Variants in ZNF423 observed in about 807,000 individuals in gnomAD.
ZNF423 encodes the protein Ebf-associated zinc finger protein.
Under a neutral mutation model 95.8 loss-of-function variants are expected in ZNF423, and 12 were observed. The ratio of observed to expected loss-of-function variants is 0.13; its 90% CI spans 0.08 to 0.20. The LOEUF is 0.20. Ranked by LOEUF, ZNF423 falls within the 10% of genes least tolerant of loss-of-function variation. The probability of loss-of-function intolerance (pLI) is 1.00; values close to 1 mark genes in which losing one functional copy is unlikely to be tolerated. For synonymous variants in ZNF423, 749 were observed against 711.9 expected (o/e 1.05, Z -0.83); for missense variants, 1,316 against 1,737.1 (o/e 0.76, Z 4.31).
At chr16:49,552,572 G>A (rs534465519) in intron 5 of ZNF423, among the ~76,000 whole-genome samples, 9 of 152,224 alleles carry the variant, frequency 5.9e-5, no homozygotes, top group African/African-American at 1.2e-4. Flanking sequence ...GGGAAATCTC[G>A]GGAGTCCTAG....
intron 7 of ZNF423, among the ~76,000 whole-genome samples, chr16:49,515,714 G>A (rs1344707868): frequency 6.6e-6 from 1 of 152,214 alleles, no homozygotes; most frequent in Non-Finnish European, 1.5e-5. Context: ...TCTAACTCCA[G>A]CCCTGTATGG....
In ZNF423 at chr16:49,637,984, G is replaced by A. The variant is rs769556629; in HGVS notation, c.1192C>T (p.Pro398Ser). The change falls in exon 4 of 8, where the codon CCG becomes TCG. Residue 398 changes from proline to serine, a missense_variant. Transcript: ENST00000563137. The surrounding 1 kb of genome is among the most constrained non-coding windows in gnomAD (Gnocchi z 5.6). ...RGSTPDSTLK[P>S]LRGQKKMRDD... ...CGCATCTTCTTCTGCCCCCGCAGCG[G>A]CTTCAAGGTGGAGTCCGGGGTGGAG... 2.4e-5 allele frequency: 38 copies of A among 1,613,996 alleles called. No individual in the cohort carries two copies. The highest frequency in any genetic ancestry group is 1.2e-4 in the Admixed American group (7 of 60,014).
At chr16:49,716,134 A>G (rs936145194) in intron 3 of ZNF423, among the ~76,000 whole-genome samples, 1 of 152,016 alleles carries the variant, frequency 6.6e-6, no homozygotes, top group Non-Finnish European at 1.5e-5. Context: ...AGTTGAGGAG[A>G]AAAGGCTGGG....
intron 3 of ZNF423, among the ~76,000 whole-genome samples, chr16:49,715,994 G>T (rs2032695041): frequency 6.6e-6 from 1 of 152,176 alleles, no homozygotes; most frequent in East Asian, 1.9e-4. Flanking sequence ...GCTGCAGTGA[G>T]CTGTGATAAT....
At chr16:49,695,175 G>A (rs776971135) in intron 3 of ZNF423, among the ~76,000 whole-genome samples, 9 of 152,178 alleles carry the variant, frequency 5.9e-5, no homozygotes, top group East Asian at 1.9e-4. Context: ...GTGCGGTGGC[G>A]CGATCTGGGC....
chr16:49,579,973 T>G (rs902774993), intron 5 of ZNF423, among the ~76,000 whole-genome samples: 11 of 152,132 alleles, frequency 7.2e-5, no homozygotes, highest in Non-Finnish European at 1.3e-4. Context: ...GCCACCACCA[T>G]GGACTGTCAT....
chr16:49,592,434 A>G (rs928315694), intron 5 of ZNF423, among the ~76,000 whole-genome samples: 2 of 138,098 alleles, frequency 1.4e-5, no homozygotes, highest in Non-Finnish European at 3.1e-5. Flanking sequence ...ATCATCATCT[A>G]CTCAACAAAT....
At chr16:49,830,171 T>C (rs993629520) in intron 1 of ZNF423, among the ~76,000 whole-genome samples, 2 of 152,002 alleles carry the variant, frequency 1.3e-5, no homozygotes, top group Non-Finnish European at 2.9e-5. Flanking sequence ...AGAGGTGACA[T>C]TGAACCTGAG....
At chr16:49,585,571 C>T (rs1035196794) in intron 5 of ZNF423, among the ~76,000 whole-genome samples, 1 of 152,240 alleles carries the variant, frequency 6.6e-6, no homozygotes, top group African/African-American at 2.4e-5. Flanking sequence ...CAATCTGAAT[C>T]GGCAAATTTG....
chr16:49,506,648 T>G (rs1035431398), intron 7 of ZNF423, among the ~76,000 whole-genome samples: 2 of 150,516 alleles, frequency 1.3e-5, no homozygotes, highest in Non-Finnish European at 3.0e-5. Context: ...GTGTAGGTGA[T>G]GGACAGATGT....
At chr16:49,706,806 C>T (rs2032366836) in intron 3 of ZNF423, among the ~76,000 whole-genome samples, 1 of 152,166 alleles carries the variant, frequency 6.6e-6, no homozygotes, top group Admixed American at 6.5e-5. Context: ...AGAGAAAGTC[C>T]AGAACCCAGA....
At chr16:49,817,258 G>A (rs891173610) in intron 1 of ZNF423, among the ~76,000 whole-genome samples, 1 of 152,148 alleles carries the variant, frequency 6.6e-6, no homozygotes, top group Non-Finnish European at 1.5e-5. Flanking sequence ...GGGAGGCAGG[G>A]GAAAGTTTAC....
chr16:49,683,978 G>A (rs2031468539), intron 3 of ZNF423, among the ~76,000 whole-genome samples: 1 of 152,202 alleles, frequency 6.6e-6, no homozygotes, highest in Admixed American at 6.5e-5. Context: ...GGGTGAGGCA[G>A]GAGGATTGCT....
intron 3 of ZNF423, among the ~76,000 whole-genome samples, chr16:49,659,715 G>A (rs527432639): frequency 3.8e-4 from 58 of 152,336 alleles, no homozygotes; most frequent in South Asian, 1.0e-3. Context: ...CATGGCACAC[G>A]AGGGGCTTCA....
chr16:49,833,802 G>A (rs1008576552), intron 1 of ZNF423, among the ~76,000 whole-genome samples: 9 of 152,046 alleles, frequency 5.9e-5, no homozygotes, highest in South Asian at 2.1e-4. Context: ...GAAGGGAGGA[G>A]GGGAGCATGT....
chr16:49,841,389 G>A (rs2035181144), intron 1 of ZNF423, among the ~76,000 whole-genome samples: 1 of 152,142 alleles, frequency 6.6e-6, no homozygotes. Flanking sequence ...CCTCAGCTGA[G>A]GGTTCTCCAA....
intron 1 of ZNF423, among the ~76,000 whole-genome samples, chr16:49,801,419 C>T (rs750523298): frequency 3.3e-5 from 5 of 152,202 alleles, no homozygotes; most frequent in South Asian, 2.1e-4. Context: ...CCAGACGAGG[C>T]GGCAAAAGCA....
At position 49,495,238 on chromosome 16, in the gene ZNF423, C is replaced by T. The variant is rs1282648361; in HGVS notation, c.3850-3934G>A. ...CTCAATCCATCCACTCAGCAGAGCT[C>T]GTGTGCTCTCCTGGATGGAGGTTTC... On this transcript the variant is annotated intron_variant, in intron 7 of 7. Transcript: ENST00000563137. 2.0e-5 allele frequency among the ~76,000 whole-genome samples: 3 copies of T among 152,180 alleles called. 1 individual carries two copies. Among genetic ancestry groups the T allele is most frequent in the South Asian group, 2.1e-4 (1 of 4,816 alleles).
chr16:49,607,177 C>T (rs182039878), intron 5 of ZNF423, among the ~76,000 whole-genome samples: 1 of 150,332 alleles, frequency 6.7e-6, no homozygotes, highest in East Asian at 2.0e-4. Context: ...TTTAAGGAAG[C>T]AGGCCTTATG....
Sources: allele counts gnomAD v4.1 joint callset (sites outside exome capture counted in the v4.1 genomes callset), GRCh38; gene constraint gnomAD v4.1.1; non-coding constraint Gnocchi (gnomAD v3.1); transcripts MANE v1.5; gene names NCBI Gene and HGNC (gene_info 2026-07-23, HGNC 2026-07-21).